Variants in SLC36A4 observed in about 807,000 individuals in gnomAD.
The protein encoded by SLC36A4 is neutral amino acid uniporter 4.
In SLC36A4, 49 loss-of-function variants were observed where a neutral mutation model predicts 50.5. The observed-to-expected ratio is 0.97, with a 90% confidence interval of 0.77 to 1.23. SLC36A4 has a LOEUF of 1.23. SLC36A4 is among the 50% of genes most tolerant of loss of function. SLC36A4 has a pLI of 0.00. For missense variants in SLC36A4, 611 were observed against 608.4 expected, an observed-to-expected ratio of 1.00 and a Z score of -0.05; for synonymous variants, 207 against 206.5, an observed-to-expected ratio of 1.00 and a Z score of -0.02.
At chr11:93,191,933 A>G in intron 1 of SLC36A4, among the ~76,000 whole-genome samples, 1 of 152,188 alleles carries the variant, frequency 6.6e-6, no homozygotes, top group East Asian at 1.9e-4. Context: ...TCATAACTGA[A>G]TGTATTCAAT....
At chr11:93,180,222 T>G (rs1235589157) in intron 6 of SLC36A4, 2 of 985,122 alleles carry the variant, frequency 2.0e-6, no homozygotes, top group Non-Finnish European at 2.4e-6. Flanking sequence ...TGGAGGGATT[T>G]TTTATTTCAT....
chr11:93,160,646 A>G, intron 9 of SLC36A4: 3 of 985,374 alleles, frequency 3.0e-6, no homozygotes. Context: ...GTGCCTGGTA[A>G]TACAAACCTT....
intron 10 of SLC36A4, among the ~76,000 whole-genome samples, chr11:93,149,742 G>A (rs181584226): frequency 2.4e-4 from 36 of 152,118 alleles, no homozygotes; most frequent in African/African-American, 8.7e-4. Context: ...ATTCAAGTGG[G>A]ACCATGGCTT....
chr11:93,174,628 A>T (rs1230173835), intron 6 of SLC36A4, among the ~76,000 whole-genome samples: 1 of 137,600 alleles, frequency 7.3e-6, no homozygotes, highest in Non-Finnish European at 1.6e-5. Flanking sequence ...TCCCATCAAT[A>T]CCTAATTTAT....
rs138183659 is a variant in SLC36A4, at chr11:93,170,621, A to G, written c.541-2450T>C. ...CTATCTTCTGATTCTACAATCAATG[A>G]TCTTTGATATTGCTACATTTTTTAT... On this transcript the variant is annotated intron_variant, in intron 6 of 10. Transcript: ENST00000326402. Among the ~76,000 whole-genome samples, 939 of 152,162 alleles carry G rather than the reference A, an allele frequency of 6.2e-3. 7 individuals are homozygous for G. Among genetic ancestry groups the G allele is most frequent in the East Asian group, 0.026 (134 of 5,186 alleles).
chr11:93,150,878 A>G (rs544507901), intron 10 of SLC36A4, among the ~76,000 whole-genome samples: 5 of 152,008 alleles, frequency 3.3e-5, no homozygotes, highest in Admixed American at 6.6e-5. Flanking sequence ...TGCCACCTGA[A>G]GAGGCTTTCA....
intron 10 of SLC36A4, among the ~76,000 whole-genome samples, chr11:93,149,792 C>A (rs1467440263): frequency 1.6e-4 from 24 of 151,882 alleles, no homozygotes; most frequent in Non-Finnish European, 7.4e-5. Flanking sequence ...GGAAAACTGG[C>A]AAGATTATCA....
chr11:93,148,521 C>T lies in SLC36A4; in HGVS notation c.*16G>A, dbSNP rs1859932648. On this transcript the variant is annotated 3_prime_UTR_variant, in exon 11 of 11. Coordinates refer to ENST00000326402, the MANE Select transcript of SLC36A4 (RefSeq NM_152313.4). ...AGAAATGGGACAAAAATAGAAGACTCATGATTCTGCTTTTACTATTTCAAA... is the reference window on the plus strand; with the variant it reads ...AGAAATGGGACAAAAATAGAAGACTTATGATTCTGCTTTTACTATTTCAAA... The T allele has an allele frequency of 6.3e-7, 1 of 1,592,918 alleles. No individual in the cohort carries two copies. Among genetic ancestry groups the T allele is most frequent in the East Asian group, 2.3e-5 (1 of 44,118 alleles).
intron 1 of SLC36A4, among the ~76,000 whole-genome samples, chr11:93,188,632 T>C (rs1000972670): frequency 2.6e-5 from 4 of 152,176 alleles, no homozygotes; most frequent in African/African-American, 2.4e-5. Context: ...ACAGTAAAAA[T>C]TGTTTCCCCA....
intron 6 of SLC36A4, among the ~76,000 whole-genome samples, chr11:93,169,131 T>C (rs1402639619): frequency 3.3e-5 from 5 of 152,122 alleles, no homozygotes; most frequent in Non-Finnish European, 5.9e-5. Context: ...TAAGACCTTG[T>C]AATAATAATA....
chr11:93,193,058 T>G (rs1862278638), intron 1 of SLC36A4: 4 of 757,052 alleles, frequency 5.3e-6, no homozygotes, highest in Non-Finnish European at 6.4e-6. Flanking sequence ...ACACTTTTTT[T>G]GTCTTCCTCC....
Position 93,165,990 on chromosome 11 carries a change from T to C in SLC36A4, c.795A>G (p.Pro265=). The C allele has an allele frequency of 6.2e-7, 1 of 1,610,990 alleles. No homozygotes were observed. Among genetic ancestry groups the C allele is most frequent in the Non-Finnish European group, 8.5e-7 (1 of 1,178,240 alleles). The change falls in exon 8 of 11, where the codon CCA becomes CCG. Residue 265 remains proline, a synonymous_variant. Transcript: ENST00000326402. ...GGTATTTCTTCCAACCAGCCACTAT[T>C]GGAAGGTTGTGGGGATCTGGCATGT... ...VRNMPDPHNL[P]IVAGWKKYPL... is the part of the protein sequence containing the mutation.
At chr11:93,185,105 G>C (rs1458809759) in intron 2 of SLC36A4, 1 of 152,190 alleles carries the variant, frequency 6.6e-6, no homozygotes. Context: ...CCTAAGAGTA[G>C]TTTTCAGAAG....
chr11:93,185,795 G>A lies in SLC36A4; in HGVS notation c.75C>T (p.Pro25=). 2 of 1,603,026 alleles carry A rather than the reference G, an allele frequency of 1.2e-6. No homozygotes were observed. The highest frequency in any genetic ancestry group is 1.8e-5 in the Admixed American group (1 of 57,106). ...CATCAAAATTCTGCTCATTTATCAA[G>A]GGCCTCATTACATCCATATCTTTAA... ...REELDMDVMR[P]LINEQNFDGT... Residue 25 remains proline (P), a synonymous_variant, in exon 2 of 11, where the codon CCC becomes CCT. Coordinates refer to ENST00000326402, the MANE Select transcript of SLC36A4 (RefSeq NM_152313.4).
At chr11:93,164,972 T>A (rs1277812010) in intron 8 of SLC36A4, among the ~76,000 whole-genome samples, 3 of 152,040 alleles carry the variant, frequency 2.0e-5, no homozygotes, top group Non-Finnish European at 2.9e-5. Context: ...GAATTTGAGA[T>A]CCTAAGGAAA....
At chr11:93,172,446 T>G (rs1190782221) in intron 6 of SLC36A4, among the ~76,000 whole-genome samples, 1 of 134,426 alleles carries the variant, frequency 7.4e-6, no homozygotes, top group Non-Finnish European at 1.7e-5. Context: ...TGTATCATTC[T>G]TTTTTTTTTT....
Position 93,148,596 on chromosome 11 carries a change from T to C in SLC36A4, c.1456A>G (p.Thr486Ala). The change falls in exon 11 of 11, where the codon ACT (threonine) becomes GCT (alanine). Residue 486 changes from threonine to alanine, a missense_variant. Transcript: ENST00000326402. ...AAATTTAGAAAAGGACTCTGTGGAG[T>C]GCCAGCTACAACTTTGGGAGTAGGA... ...IYPTPKVVAG[T>A]PQSPFLNLNS... 1 of 1,612,784 alleles carries C rather than the reference T, an allele frequency of 6.2e-7. No homozygotes were observed. The highest frequency in any genetic ancestry group is 8.5e-7 in the Non-Finnish European group (1 of 1,179,246).
intron 6 of SLC36A4, among the ~76,000 whole-genome samples, chr11:93,173,311 A>G (rs1861273831): frequency 6.8e-6 from 1 of 148,002 alleles, no homozygotes; most frequent in Non-Finnish European, 1.5e-5. Context: ...TTTTCTTGTA[A>G]ATTTGTTTGA....
At chr11:93,159,749 T>C in intron 9 of SLC36A4, 1 of 890,498 alleles carries the variant, frequency 1.1e-6, no homozygotes, top group Non-Finnish European at 1.3e-6. Flanking sequence ...TTTTCAAAGA[T>C]GACAGTTCAG....
Sources: gnomAD v4.1 joint callset for allele counts (sites outside exome capture counted in the v4.1 genomes callset) on GRCh38, gnomAD v4.1.1 for gene constraint, MANE v1.5 for transcripts, NCBI Gene and HGNC (gene_info 2026-07-23, HGNC 2026-07-21) for gene names.